ZFHX4: variants seen among roughly 807,000 people sequenced by gnomAD.
ZFHX4 encodes the protein zinc finger homeobox 4.
Under a neutral mutation model 267.6 loss-of-function variants are expected in ZFHX4, and 56 were observed. That is an observed-to-expected ratio of 0.21 (90% CI 0.17 to 0.26). ZFHX4 has a LOEUF of 0.26. ZFHX4 is among the 10% of genes least tolerant of loss of function. The pLI, the probability that ZFHX4 is intolerant of heterozygous loss-of-function variation, is 1.00. For missense variants in ZFHX4, 4,332 were observed against 4,420.0 expected, an observed-to-expected ratio of 0.98 and a Z score of 0.56; for synonymous variants, 1,778 against 1,665.6, an observed-to-expected ratio of 1.07 and a Z score of -1.64.
At chr8:76,756,242 T>C (rs1234198539) in intron 3 of ZFHX4, among the ~76,000 whole-genome samples, 1 of 152,208 alleles carries the variant, frequency 6.6e-6, no homozygotes, top group Non-Finnish European at 1.5e-5. Context: ...TTAATTGTTT[T>C]GTCCTTCAGT....
At chr8:76,835,693 T>A (rs1420340647) in intron 5 of ZFHX4, among the ~76,000 whole-genome samples, 1 of 151,670 alleles carries the variant, frequency 6.6e-6, no homozygotes, top group Non-Finnish European at 1.5e-5. Context: ...CTACTCTCCC[T>A]CCCCCACCTC....
At chr8:76,761,520 G>A (rs1487603249) in intron 3 of ZFHX4, among the ~76,000 whole-genome samples, 1 of 151,926 alleles carries the variant, frequency 6.6e-6, no homozygotes, top group Non-Finnish European at 1.5e-5. Context: ...CTTTATTACA[G>A]TTAGGTTATT....
chr8:76,832,983 C>T (rs1023985188), intron 4 of ZFHX4, among the ~76,000 whole-genome samples: 1 of 152,052 alleles, frequency 6.6e-6, no homozygotes, highest in South Asian at 2.1e-4. Flanking sequence ...AAAGTATGCT[C>T]ATAATTTATG....
At chr8:76,783,289 G>T (rs1382370924) in intron 4 of ZFHX4, among the ~76,000 whole-genome samples, 1 of 151,966 alleles carries the variant, frequency 6.6e-6, no homozygotes, top group Non-Finnish European at 1.5e-5. Flanking sequence ...CTTTGGAGAT[G>T]AACAGCACTT....
At chr8:76,684,753 T>G (rs1447369111) in intron 1 of ZFHX4, among the ~76,000 whole-genome samples, 2 of 152,224 alleles carry the variant, frequency 1.3e-5, no homozygotes, top group Non-Finnish European at 2.9e-5. Flanking sequence ...TTTTGTAATC[T>G]TTTGCAGTTT....
chr8:76,848,059 T>C (rs1183598155), intron 6 of ZFHX4, among the ~76,000 whole-genome samples: 2 of 152,146 alleles, frequency 1.3e-5, no homozygotes, highest in African/African-American at 4.8e-5. Flanking sequence ...AATTGAAAGT[T>C]AAAATTAGAA....
chr8:76,793,327 A>G (rs1452137582), intron 4 of ZFHX4, among the ~76,000 whole-genome samples: 1 of 150,672 alleles, frequency 6.6e-6, no homozygotes, highest in African/African-American at 2.5e-5. Context: ...AAAATTATTT[A>G]AATCATTCCA....
At chr8:76,791,718 G>A (rs1370875096) in intron 4 of ZFHX4, among the ~76,000 whole-genome samples, 1 of 152,090 alleles carries the variant, frequency 6.6e-6, no homozygotes, top group Non-Finnish European at 1.5e-5. Context: ...TAACATCTCA[G>A]AGATTCTATG....
intron 5 of ZFHX4, among the ~76,000 whole-genome samples, chr8:76,835,231 A>ACATATATATATG (rs1554572163): frequency 1.6e-5 from 2 of 124,790 alleles, no homozygotes; most frequent in Non-Finnish European, 1.6e-5. Context: ...ATATATATAT[A>ACATATATATATG]TATATATATG....
chr8:76,797,874 G>A (rs1424516978), intron 4 of ZFHX4, among the ~76,000 whole-genome samples: 3 of 146,326 alleles, frequency 2.1e-5, no homozygotes, highest in Non-Finnish European at 4.5e-5. Flanking sequence ...GAGTTTTGGG[G>A]TGTGTGTCTG....
At chr8:76,827,783 T>C (rs1486827974) in intron 4 of ZFHX4, among the ~76,000 whole-genome samples, 2 of 152,104 alleles carry the variant, frequency 1.3e-5, no homozygotes, top group Admixed American at 1.3e-4. Context: ...GAGATAGTAC[T>C]CCCTTACTAT....
In ZFHX4 at chr8:76,850,778, CAATT is replaced by C. The variant is rs1812492427; in HGVS notation, c.3965-101_3965-98del. On this transcript the variant is annotated intron_variant, in intron 9 of 10. Transcript: ENST00000651372. Reference sequence around the variant, plus strand: ...GTTGCTCAGTAAACATTTATTCAAACAATTAATTAAGCAGAAGCCTTTAGAGGCT... The same window carrying C: ...GTTGCTCAGTAAACATTTATTCAAACAATTAAGCAGAAGCCTTTAGAGGCT... The C allele has an allele frequency of 4.7e-6, 6 of 1,278,732 alleles. No homozygotes were observed. The South Asian group carries it at 1.1e-4, about 24-fold the overall frequency. The allele number at this position is 1,278,732 out of a possible 1,614,324, so 79.2% of individuals were successfully genotyped here.
At chr8:76,750,025 A>T (rs1341972135) in intron 3 of ZFHX4, among the ~76,000 whole-genome samples, 4 of 152,168 alleles carry the variant, frequency 2.6e-5, no homozygotes, top group Non-Finnish European at 5.9e-5. Context: ...TGAGATTTTT[A>T]AAAAATAACC....
intron 4 of ZFHX4, among the ~76,000 whole-genome samples, chr8:76,779,211 T>A (rs1322151375): frequency 6.6e-6 from 1 of 152,180 alleles, no homozygotes; most frequent in Non-Finnish European, 1.5e-5. Context: ...TTTGGGTGCA[T>A]AAAAAAGCCT....
intron 4 of ZFHX4, among the ~76,000 whole-genome samples, chr8:76,786,207 C>T (rs570842523): frequency 1.3e-4 from 19 of 151,984 alleles, no homozygotes; most frequent in African/African-American, 4.6e-4. Flanking sequence ...AATGAGCAGA[C>T]GTTTTGAGAC....
At chr8:76,743,590 G>A (rs1809378128) in intron 3 of ZFHX4, among the ~76,000 whole-genome samples, 1 of 152,166 alleles carries the variant, frequency 6.6e-6, no homozygotes, top group South Asian at 2.1e-4. Flanking sequence ...TCTGGTAAAG[G>A]AGCTTAAGTC....
At chr8:76,801,817 G>A (rs970282686) in intron 4 of ZFHX4, among the ~76,000 whole-genome samples, 1 of 151,674 alleles carries the variant, frequency 6.6e-6, no homozygotes, top group Non-Finnish European at 1.5e-5. Flanking sequence ...TGTTGGAAAT[G>A]AATTTATGAG....
chr8:76,764,250 G>C (rs1809994968), intron 3 of ZFHX4, among the ~76,000 whole-genome samples: 3 of 152,168 alleles, frequency 2.0e-5, no homozygotes, highest in Admixed American at 2.0e-4. Flanking sequence ...GACTAATTGA[G>C]ATTACTTTGT....
intron 4 of ZFHX4, among the ~76,000 whole-genome samples, chr8:76,829,335 C>T (rs1811867934): frequency 6.6e-6 from 1 of 151,726 alleles, no homozygotes; most frequent in Admixed American, 6.6e-5. Flanking sequence ...GATTTTTGAA[C>T]TGAGATTAAA....
Sources: gnomAD v4.1 joint callset for allele counts (sites outside exome capture counted in the v4.1 genomes callset) on GRCh38, gnomAD v4.1.1 for gene constraint, MANE v1.5 for transcripts, NCBI Gene and HGNC (gene_info 2026-07-23, HGNC 2026-07-21) for gene names.